The following KIAA0825 variants were observed in gnomAD, a reference collection of about 807,000 sequenced individuals.
The protein encoded by KIAA0825 is KIAA0825.
In KIAA0825, 119 loss-of-function variants were observed where a neutral mutation model predicts 147.6. The observed-to-expected ratio is 0.81, with a 90% confidence interval of 0.69 to 0.94. The LOEUF is 0.94. Ranked by LOEUF, KIAA0825 falls within the 40% of genes least tolerant of loss-of-function variation. The pLI, the probability that KIAA0825 is intolerant of heterozygous loss-of-function variation, is 0.00. For synonymous variants in KIAA0825, 470 were observed against 518.1 expected, an observed-to-expected ratio of 0.91 and a Z score of 1.26; for missense variants, 1,381 against 1,472.7, an observed-to-expected ratio of 0.94 and a Z score of 1.02.
In KIAA0825 at chr5:94,396,326, C is replaced by T. The variant is rs762888155; in HGVS notation, c.3071G>A (p.Arg1024Gln). Residue 1024 changes from arginine (R) to glutamine (Q), a missense_variant, in exon 17 of 21, where the codon CGG (arginine) becomes CAG (glutamine). Arg to Gln is a conservative substitution (Grantham distance 43). Coordinates refer to ENST00000682413, the MANE Select transcript of KIAA0825 (RefSeq NM_001145678.3). ...LVWNLIVIIC[R>Q]IFEDGNTVEL... is the part of the protein sequence containing the mutation. ...CACAGTGTTTCCGTCCTCAAATATC[C>T]GACATATAATTACAATCAAGTTCCA... The T allele has an allele frequency of 4.3e-5, 66 of 1,550,080 alleles. No homozygotes were observed. The African/African-American group carries it at 4.9e-4, about 12-fold the overall frequency.
Position 94,403,584 on chromosome 5 carries a change from T to C in KIAA0825, c.2872A>G (p.Lys958Glu). 6.4e-7 allele frequency: 1 copy of C among 1,551,416 alleles called. No individual in the cohort carries two copies. Residue 958 changes from lysine to glutamate, a missense_variant, in exon 16 of 21, where the codon AAA becomes GAA. Physicochemically the swap from Lys to Glu is moderately conservative, Grantham distance 56 (BLOSUM62 1). Transcript: ENST00000682413. ...WNYSPKETNR[K>E]ESCKSFTRLT... The stretch of plus-strand genomic sequence containing the variant: ...GTGTACTTACTTTTGCATGATTCTT[T>C]CCTGTTAGTTTCTTTTGGACTATAA...
chr5:94,327,154 T>C (rs1780781118), intron 20 of KIAA0825, among the ~76,000 whole-genome samples: 1 of 152,172 alleles, frequency 6.6e-6, no homozygotes, highest in Non-Finnish European at 1.5e-5. Context: ...AGAGCTCTGA[T>C]TTTTTATGTT....
chr5:94,523,182 G>T lies in KIAA0825; in HGVS notation c.300+748C>A, dbSNP rs141084179. On this transcript the variant is annotated intron_variant, in intron 4 of 20. Transcript: ENST00000682413. ...CCAGATATTTTCCACATCTGTCTTA[G>T]TCAATGTTTGATGTTTAGACAAAAA... 4.2e-3 allele frequency among the ~76,000 whole-genome samples: 632 copies of T among 151,680 alleles called. 3 individuals are homozygous for T. In the Middle Eastern group the frequency reaches 0.048, roughly 11 times the overall value.
chr5:94,569,010 C>A, intron 2 of KIAA0825: 1 of 168,754 alleles, frequency 5.9e-6, no homozygotes, highest in South Asian at 1.8e-4. Flanking sequence ...TAACTACCAC[C>A]AATCAATGCC....
intron 12 of KIAA0825, among the ~76,000 whole-genome samples, chr5:94,456,289 C>T (rs1362156588): frequency 6.6e-6 from 1 of 152,170 alleles, no homozygotes; most frequent in African/African-American, 2.4e-5. Flanking sequence ...GAATACCTTA[C>T]CTAGATGACT....
At chr5:94,408,990 TC>T (rs1752429932) in intron 15 of KIAA0825, among the ~76,000 whole-genome samples, 1 of 152,178 alleles carries the variant, frequency 6.6e-6, no homozygotes, top group South Asian at 2.1e-4. Context: ...AAATAAGTTA[TC>T]CTCAAATGAA....
chr5:94,155,483 G>A (rs1766959230), intron 20 of KIAA0825, among the ~76,000 whole-genome samples: 1 of 152,024 alleles, frequency 6.6e-6, no homozygotes, highest in Admixed American at 6.6e-5. Context: ...GCCTCCCAAA[G>A]TGCTGGGAAT....
chr5:94,617,418 TAAG>T lies in KIAA0825; in HGVS notation c.-153+1079_-153+1081del, dbSNP rs1242289209. On this transcript the variant is annotated intron_variant, in intron 1 of 20. Transcript: ENST00000682413. Reference sequence around the variant, plus strand: ...GTTTGTTGCATTACTCTCAAAAGGTTAAGAAGACACTGGCCTGGTGTTAACAGG... The same window carrying T: ...GTTTGTTGCATTACTCTCAAAAGGTTAAGACACTGGCCTGGTGTTAACAGG... Among the ~76,000 whole-genome samples, 6 of 152,286 alleles carry T rather than the reference TAAG, an allele frequency of 3.9e-5. No homozygotes were observed. In the South Asian group the frequency reaches 1.0e-3, roughly 26 times the overall value.
intron 15 of KIAA0825, among the ~76,000 whole-genome samples, chr5:94,411,897 A>G (rs1249150642): frequency 6.6e-6 from 1 of 152,156 alleles, no homozygotes; most frequent in African/African-American, 2.4e-5. Context: ...CAGTGAGCCA[A>G]GATTGCCCGA....
chr5:94,208,583 A>T (rs963042758), intron 20 of KIAA0825, among the ~76,000 whole-genome samples: 7 of 152,200 alleles, frequency 4.6e-5, no homozygotes, highest in African/African-American at 1.7e-4. Flanking sequence ...AAAGGCTAAG[A>T]CAGCACAGAG....
At chr5:94,595,344 C>A (rs1785091345) in intron 1 of KIAA0825, among the ~76,000 whole-genome samples, 1 of 152,222 alleles carries the variant, frequency 6.6e-6, no homozygotes, top group Admixed American at 6.5e-5. Flanking sequence ...GGCTGATAAC[C>A]ATGTGTCAGC....
At chr5:94,251,737 T>A (rs999281093) in intron 20 of KIAA0825, among the ~76,000 whole-genome samples, 1 of 152,066 alleles carries the variant, frequency 6.6e-6, no homozygotes, top group Non-Finnish European at 1.5e-5. Context: ...GAGGAATAAA[T>A]AAAATGCATT....
At chr5:94,422,774 A>G (rs1195486421) in intron 14 of KIAA0825, among the ~76,000 whole-genome samples, 3 of 152,170 alleles carry the variant, frequency 2.0e-5, no homozygotes, top group Admixed American at 6.6e-5. Context: ...AGATCTGCCT[A>G]AAGTATCCAT....
At chr5:94,238,451 A>C (rs964225809) in intron 20 of KIAA0825, among the ~76,000 whole-genome samples, 1 of 152,190 alleles carries the variant, frequency 6.6e-6, no homozygotes, top group Non-Finnish European at 1.5e-5. Flanking sequence ...CTGTTAACTT[A>C]TGACTTTGAA....
Position 94,298,397 on chromosome 5 carries a change from T to C in KIAA0825, c.3710+85971A>G, listed in dbSNP as rs140683962. 4.0e-4 allele frequency among the ~76,000 whole-genome samples: 61 copies of C among 152,312 alleles called. No individual in the cohort carries two copies. The East Asian group carries it at 0.011, about 27-fold the overall frequency. ...TTCCATAGTTTAGCTATGATAAAAA[T>C]GCATAACTAAGAAGACTTGTGGAAA... is the stretch of plus-strand genomic sequence containing the variant. On this transcript the variant is annotated intron_variant, in intron 20 of 20. Coordinates refer to ENST00000682413, the MANE Select transcript of KIAA0825 (RefSeq NM_001145678.3).
chr5:94,316,451 G>A (rs150171582), intron 20 of KIAA0825, among the ~76,000 whole-genome samples: 1 of 150,788 alleles, frequency 6.6e-6, no homozygotes, highest in Non-Finnish European at 1.5e-5. Context: ...GCTTCTACTG[G>A]TAAGTGAACA....
At chr5:94,306,967 G>C (rs998792641) in intron 20 of KIAA0825, among the ~76,000 whole-genome samples, 26 of 151,902 alleles carry the variant, frequency 1.7e-4, no homozygotes, top group African/African-American at 6.3e-4. Flanking sequence ...GATGCGTAGG[G>C]CTTAGGTTCA....
intron 13 of KIAA0825, among the ~76,000 whole-genome samples, chr5:94,449,885 C>T (rs1758182687): frequency 6.6e-6 from 1 of 152,074 alleles, no homozygotes; most frequent in Non-Finnish European, 1.5e-5. Context: ...TTGAGGCCAG[C>T]CTGGCCAACA....
intron 20 of KIAA0825, among the ~76,000 whole-genome samples, chr5:94,199,071 CCATTGGTGGGGAGCTAGTATGAT>C (rs1231993728): frequency 1.3e-5 from 2 of 152,068 alleles, no homozygotes; most frequent in Non-Finnish European, 2.9e-5. Context: ...TGGTTAAGAA[CCATTGGTGGGGAGCTAGTATGAT>C]CATTTTGAGG....
Sources: gnomAD v4.1 joint callset for allele counts (sites outside exome capture counted in the v4.1 genomes callset) on GRCh38, gnomAD v4.1.1 for gene constraint, MANE v1.5 for transcripts, NCBI Gene and HGNC (gene_info 2026-07-23, HGNC 2026-07-21) for gene names.